Variants in PCDH11X observed in about 807,000 individuals in gnomAD.
PCDH11X encodes protocadherin-11 X-linked.
Under a neutral mutation model 53.3 loss-of-function variants are expected in PCDH11X, and 18 were observed. That is an observed-to-expected ratio of 0.34 (90% confidence interval 0.23 to 0.50). The LOEUF is 0.50. Ranked by LOEUF, PCDH11X falls within the 20% of genes least tolerant of loss-of-function variation. The pLI is 0.98. For missense variants in PCDH11X, 570 were observed against 1,032.4 expected, an observed-to-expected ratio of 0.55 and a Z score of 6.14; for synonymous variants, 279 against 393.3, an observed-to-expected ratio of 0.71 and a Z score of 3.44.
chrX:92,211,339 A>G (rs1432021095), intron 7 of PCDH11X, among the ~76,000 whole-genome samples: 1 of 110,650 alleles, frequency 9.0e-6, no homozygotes, highest in Non-Finnish European at 1.9e-5. Context: ...CTCACAACTC[A>G]CTCACTATCA....
chrX:92,462,254 C>T (rs367925203), intron 9 of PCDH11X, among the ~76,000 whole-genome samples: 8 of 111,208 alleles, frequency 7.2e-5, no homozygotes, highest in African/African-American at 2.6e-4. Context: ...AACTTATTTT[C>T]AATTTCACAA....
At chrX:91,919,187 T>A (rs1363022640) in intron 6 of PCDH11X, among the ~76,000 whole-genome samples, 1 of 111,453 alleles carries the variant, frequency 9.0e-6, no homozygotes, top group Non-Finnish European at 1.9e-5. Flanking sequence ...CTATAAGAGA[T>A]AGCCCTATAA....
intron 5 of PCDH11X, among the ~76,000 whole-genome samples, chrX:91,838,008 C>A (rs1937366420): frequency 2.7e-5 from 3 of 111,752 alleles, no homozygotes; most frequent in Non-Finnish European, 5.6e-5. Context: ...TAGATAAAAT[C>A]AAAATGAGAC....
intron 7 of PCDH11X, among the ~76,000 whole-genome samples, chrX:92,212,475 C>T (rs772409215): frequency 7.8e-4 from 87 of 111,694 alleles, no homozygotes; most frequent in Non-Finnish European, 1.3e-3. Flanking sequence ...CTCAGCCTCC[C>T]GAATAGCTGG....
chrX:92,144,328 A>T (rs1253217510), intron 6 of PCDH11X, among the ~76,000 whole-genome samples: 4 of 109,541 alleles, frequency 3.7e-5, no homozygotes, highest in Non-Finnish European at 5.7e-5. Flanking sequence ...TGTGTCCCCA[A>T]CCAAATCTCA....
At chrX:92,464,799 C>T (rs2073126395) in intron 9 of PCDH11X, among the ~76,000 whole-genome samples, 1 of 107,229 alleles carries the variant, frequency 9.3e-6, no homozygotes, top group Non-Finnish European at 1.9e-5. Flanking sequence ...ATCTTTTTTG[C>T]ATATTTTGTA....
chrX:92,063,977 T>C (rs1257257219), intron 6 of PCDH11X, among the ~76,000 whole-genome samples: 1 of 108,398 alleles, frequency 9.2e-6, no homozygotes, highest in Non-Finnish European at 1.9e-5. Context: ...TGGGTTGTAC[T>C]GGCTAAAACA....
chrX:92,108,772 A>G (rs2064439429), intron 6 of PCDH11X, among the ~76,000 whole-genome samples: 2 of 112,043 alleles, frequency 1.8e-5, no homozygotes, highest in Non-Finnish European at 3.8e-5. Flanking sequence ...ATAAGCCGTA[A>G]GAGGTAGGGA....
At chrX:92,319,614 C>T (rs1368673727) in intron 8 of PCDH11X, among the ~76,000 whole-genome samples, 2 of 110,330 alleles carry the variant, frequency 1.8e-5, no homozygotes, top group African/African-American at 3.3e-5. Context: ...CCGCTTTGGT[C>T]CCCCAGATTG....
At chrX:91,800,159 A>G (rs1053359655) in intron 1 of PCDH11X, among the ~76,000 whole-genome samples, 37 of 108,255 alleles carry the variant, frequency 3.4e-4, no homozygotes, top group African/African-American at 1.2e-3. Context: ...TTTTCCTTCT[A>G]CTCTCTTTTT....
chrX:92,465,412 C>T (rs1477496654), intron 9 of PCDH11X, among the ~76,000 whole-genome samples: 4 of 111,918 alleles, frequency 3.6e-5, no homozygotes, highest in Non-Finnish European at 7.5e-5. Flanking sequence ...AGAAATAACA[C>T]TTTTATTTTA....
chrX:92,567,815 G>T (rs1156512248), intron 10 of PCDH11X, among the ~76,000 whole-genome samples: 2 of 101,967 alleles, frequency 2.0e-5, no homozygotes, highest in Non-Finnish European at 4.0e-5. Flanking sequence ...GGGCACATGG[G>T]TGGGAACAAC....
chrX:92,149,455 CTGTGTG>C (rs1231750856), intron 6 of PCDH11X, among the ~76,000 whole-genome samples: 1 of 83,163 alleles, frequency 1.2e-5, no homozygotes, highest in Non-Finnish European at 2.1e-5. Context: ...CTCTCTCTCT[CTGTGTG>C]TGTGTGTGTG....
intron 5 of PCDH11X, among the ~76,000 whole-genome samples, chrX:91,845,130 A>G (rs1342604342): frequency 1.8e-5 from 2 of 112,040 alleles, no homozygotes; most frequent in African/African-American, 3.2e-5. Context: ...GCCAAAGAAT[A>G]TGATCATGCT....
intron 6 of PCDH11X, among the ~76,000 whole-genome samples, chrX:92,159,817 T>A (rs1160321421): frequency 5.7e-5 from 4 of 70,701 alleles, no homozygotes; most frequent in Non-Finnish European, 7.9e-5. Flanking sequence ...TTACCTCATT[T>A]TTTTTTTTTT....
At chrX:91,809,393 TATA>T (rs1936225716) in intron 1 of PCDH11X, among the ~76,000 whole-genome samples, 70 bp from the exon 2 acceptor site, 1 of 111,360 alleles carries the variant, frequency 9.0e-6, no homozygotes, top group East Asian at 2.8e-4. Flanking sequence ...GCCTATTTAG[TATA>T]ATATTTATCT....
intron 8 of PCDH11X, among the ~76,000 whole-genome samples, chrX:92,319,254 C>T (rs2069145816): frequency 1.8e-5 from 2 of 111,818 alleles, no homozygotes; most frequent in Non-Finnish European, 1.9e-5. Context: ...AATTCATCTT[C>T]CTCTATCAAT....
intron 9 of PCDH11X, among the ~76,000 whole-genome samples, chrX:92,406,379 T>C: frequency 9.4e-6 from 1 of 106,588 alleles, no homozygotes; most frequent in Middle Eastern, 4.8e-3. Context: ...ACTTAGGTAA[T>C]GTCTAAATTT....
chrX:91,992,007 G>C (rs1244820337), intron 6 of PCDH11X, among the ~76,000 whole-genome samples: 5 of 107,708 alleles, frequency 4.6e-5, no homozygotes, highest in African/African-American at 6.8e-5. Flanking sequence ...TTGCTTTTTT[G>C]CGTATTGTAT....
Sources: gnomAD v4.1 joint callset for allele counts (sites outside exome capture counted in the v4.1 genomes callset) on GRCh38, gnomAD v4.1.1 for gene constraint, MANE v1.5 for transcripts, NCBI Gene and HGNC (gene_info 2026-07-23, HGNC 2026-07-21) for gene names.